CLSTN2: variants seen among roughly 807,000 people sequenced by gnomAD.
CLSTN2 encodes the protein calsyntenin-2.
A neutral mutation model predicts 101.2 loss-of-function variants in CLSTN2; 48 were observed. That is an observed-to-expected ratio of 0.47 (90% CI 0.38 to 0.60). The LOEUF is 0.60. Ranked by LOEUF, CLSTN2 falls within the 20% of genes least tolerant of loss-of-function variation. The pLI is 0.00. For missense variants in CLSTN2, 1,160 were observed against 1,238.2 expected, an observed-to-expected ratio of 0.94 and a Z score of 0.95; for synonymous variants, 481 against 463.6, an observed-to-expected ratio of 1.04 and a Z score of -0.48.
intron 4 of CLSTN2, among the ~76,000 whole-genome samples, chr3:140,410,339 T>C (rs73228976): frequency 0.035 from 5,232 of 150,300 alleles, 132 homozygotes; most frequent in Non-Finnish European, 0.053. Flanking sequence ...AAGCTATCAG[T>C]ATATTTCTCA....
intron 7 of CLSTN2, among the ~76,000 whole-genome samples, chr3:140,466,190 C>A (rs1175171332): frequency 6.6e-6 from 1 of 152,128 alleles, no homozygotes; most frequent in Non-Finnish European, 1.5e-5. Context: ...AATAAAAACC[C>A]AGAACTCTAG....
At chr3:140,527,470 G>A (rs547568321) in intron 8 of CLSTN2, among the ~76,000 whole-genome samples, 1 of 152,252 alleles carries the variant, frequency 6.6e-6, no homozygotes, top group African/African-American at 2.4e-5. Flanking sequence ...TATACTGTTA[G>A]TGGGAATGCA....
At chr3:140,558,883 GAGGGTGGACCTTAATTT>G (rs770833216) in intron 12 of CLSTN2, 26 bp downstream of exon 12, 2 of 1,596,216 alleles carry the variant, frequency 1.3e-6, no homozygotes, top group Non-Finnish European at 1.7e-6. Context: ...AGTTTGTGGG[GAGGGTGGACCTTAATTT>G]TTTACAGCCA....
At chr3:140,027,097 T>C (rs527913877) in intron 1 of CLSTN2, among the ~76,000 whole-genome samples, 20 of 152,340 alleles carry the variant, frequency 1.3e-4, no homozygotes, top group Middle Eastern at 3.4e-3. Flanking sequence ...CAGCCCTTCT[T>C]CTGAAATTGT....
At chr3:140,344,814 T>C (rs1242103632) in intron 2 of CLSTN2, among the ~76,000 whole-genome samples, 1 of 152,172 alleles carries the variant, frequency 6.6e-6, no homozygotes, top group Non-Finnish European at 1.5e-5. Flanking sequence ...TTATCACCAT[T>C]ATTTCCCCAG....
At chr3:140,357,491 G>C (rs1010254345) in intron 2 of CLSTN2, among the ~76,000 whole-genome samples, 1 of 152,044 alleles carries the variant, frequency 6.6e-6, no homozygotes, top group African/African-American at 2.4e-5. Flanking sequence ...TTCCAGATGC[G>C]CAGATGTGGG....
At chr3:140,243,231 G>A (rs1218635208) in intron 2 of CLSTN2, among the ~76,000 whole-genome samples, 2 of 152,132 alleles carry the variant, frequency 1.3e-5, no homozygotes, top group African/African-American at 4.8e-5. Flanking sequence ...TAATGGAAAG[G>A]GACAGAAATA....
chr3:140,367,703 C>CGAG (rs1322027437), intron 2 of CLSTN2, among the ~76,000 whole-genome samples: 5 of 152,170 alleles, frequency 3.3e-5, no homozygotes, highest in African/African-American at 4.8e-5. Context: ...TTTTAATACA[C>CGAG]GAGGTCCCTA....
intron 1 of CLSTN2, among the ~76,000 whole-genome samples, chr3:140,140,872 G>A (rs959637391): frequency 1.3e-5 from 2 of 152,192 alleles, no homozygotes; most frequent in African/African-American, 4.8e-5. Context: ...TCCCAGCCAT[G>A]TTCCAGGCAG....
At chr3:140,405,069 TC>T (rs965853529) in intron 4 of CLSTN2, among the ~76,000 whole-genome samples, 1 of 152,072 alleles carries the variant, frequency 6.6e-6, no homozygotes, top group African/African-American at 2.4e-5. Context: ...GGTCAAATTT[TC>T]CAGTTGTCAT....
At chr3:140,394,880 TGAG>T (rs1438037968) in intron 2 of CLSTN2, among the ~76,000 whole-genome samples, 1 of 152,218 alleles carries the variant, frequency 6.6e-6, no homozygotes, top group Non-Finnish European at 1.5e-5. Flanking sequence ...GCTGAGTGAA[TGAG>T]TACAGTAGGT....
At chr3:140,179,326 C>A (rs1247652872) in intron 2 of CLSTN2, among the ~76,000 whole-genome samples, 1 of 141,808 alleles carries the variant, frequency 7.1e-6, no homozygotes, top group African/African-American at 2.6e-5. Flanking sequence ...TTTTTTTTTT[C>A]AAAAATTGTG....
intron 1 of CLSTN2, among the ~76,000 whole-genome samples, chr3:140,125,046 C>T (rs969214031): frequency 1.3e-5 from 2 of 152,086 alleles, no homozygotes; most frequent in Non-Finnish European, 2.9e-5. Context: ...GGCCTGAGAA[C>T]TAACCACTGG....
chr3:140,068,416 C>T (rs1484902964), intron 1 of CLSTN2, among the ~76,000 whole-genome samples: 2 of 152,220 alleles, frequency 1.3e-5, no homozygotes, highest in Non-Finnish European at 2.9e-5. Context: ...TGGTAGATTA[C>T]CCTCCTACTC....
intron 2 of CLSTN2, among the ~76,000 whole-genome samples, chr3:140,358,591 A>ACC (rs2087697322): frequency 1.1e-4 from 17 of 152,186 alleles, no homozygotes; most frequent in Admixed American, 9.8e-4. Flanking sequence ...TATCTTGCAT[A>ACC]TTTGAATCTC....
chr3:140,410,430 T>G (rs1459309237), intron 4 of CLSTN2, among the ~76,000 whole-genome samples: 2 of 138,422 alleles, frequency 1.4e-5, no homozygotes, highest in Non-Finnish European at 3.2e-5. Context: ...AAAAAAAACC[T>G]ACCAACCAAG....
At chr3:140,063,184 C>A (rs2008235914) in intron 1 of CLSTN2, among the ~76,000 whole-genome samples, 1 of 152,142 alleles carries the variant, frequency 6.6e-6, no homozygotes, top group Non-Finnish European at 1.5e-5. Flanking sequence ...GAGCTGTGGT[C>A]TGTCACCTGC....
chr3:140,356,484 G>A (rs545673178), intron 2 of CLSTN2, among the ~76,000 whole-genome samples: 2 of 152,196 alleles, frequency 1.3e-5, no homozygotes, highest in East Asian at 1.9e-4. Flanking sequence ...CCAGGGCTGG[G>A]CGCGGTGGCT....
chr3:140,547,248 G>T (rs1201490528), intron 10 of CLSTN2, among the ~76,000 whole-genome samples: 1 of 152,134 alleles, frequency 6.6e-6, no homozygotes, highest in Non-Finnish European at 1.5e-5. Context: ...GGCTGAGGCA[G>T]GTGGATCACA....
Sources: allele counts gnomAD v4.1 joint callset (sites outside exome capture counted in the v4.1 genomes callset), GRCh38; gene constraint gnomAD v4.1.1; transcripts MANE v1.5; gene names NCBI Gene and HGNC (gene_info 2026-07-23, HGNC 2026-07-21).